The following MAN1A1 variants were observed in gnomAD, a reference collection of about 807,000 sequenced individuals.
MAN1A1 encodes mannosidase alpha class 1A member 1.
MAN1A1 carries 29 observed loss-of-function variants against 70.8 expected under a neutral mutation model. The observed-to-expected ratio is 0.41, with a 90% confidence interval of 0.31 to 0.56. The LOEUF (loss-of-function observed/expected upper bound fraction) is 0.56, where lower values mean the gene tolerates loss of function less well. Ranked by LOEUF, MAN1A1 falls within the 20% of genes least tolerant of loss-of-function variation. The pLI, the probability that MAN1A1 is intolerant of heterozygous loss-of-function variation, is 0.29. For missense variants in MAN1A1, 747 were observed against 841.3 expected (o/e 0.89, Z 1.39); for synonymous variants, 349 against 330.1 (o/e 1.06, Z -0.62).
chr6:119,350,364 GC>G (rs1773878747), upstream of MAN1A1, among the ~76,000 whole-genome samples: 1 of 152,222 alleles, frequency 6.6e-6, no homozygotes, highest in Non-Finnish European at 1.5e-5. Flanking sequence ...GACCCTGGGA[GC>G]TTTTGAGCTC....
At chr6:119,209,088 C>G (rs1350039252) in intron 6 of MAN1A1, among the ~76,000 whole-genome samples, 7 of 40,470 alleles carry the variant, frequency 1.7e-4, no homozygotes, top group Non-Finnish European at 5.7e-5. Flanking sequence ...AAGACCCCGT[C>G]TCAAAAAAAA....
intron 5 of MAN1A1, among the ~76,000 whole-genome samples, chr6:119,288,725 G>A (rs1776449861): frequency 1.3e-5 from 2 of 151,520 alleles, no homozygotes; most frequent in Admixed American, 1.3e-4. Flanking sequence ...AAAAGATACT[G>A]AAAATAATCT....
chr6:119,198,875 T>C (rs6923550), intron 8 of MAN1A1, among the ~76,000 whole-genome samples: 6,660 of 152,340 alleles, frequency 0.044, 197 homozygotes, highest in East Asian at 0.082. Context: ...TGTGGATATT[T>C]TTCTTTGATA....
rs969467803 is a variant in MAN1A1, at chr6:119,290,689, T to C, written c.891A>G (p.Gly297=). Residue 297 remains glycine (G), a synonymous_variant, in exon 5 of 13, where the codon GGA becomes GGG. Transcript: ENST00000368468. ...ATACCACTTTTCATCTTACCTCTTC[T>C]CCAGACAGATAGTAGGCTGAGAGTA... is the stretch of plus-strand genomic sequence containing the variant. The part of the protein sequence containing the change: ...GGLLSAYYLS[G]EEIFRKKAVE... 3.1e-6 allele frequency: 5 copies of C among 1,608,550 alleles called. No homozygotes were observed. In the African/African-American group the frequency reaches 6.7e-5, roughly 22 times the overall value.
At chr6:119,323,889 A>C (rs1178235131) in intron 2 of MAN1A1, among the ~76,000 whole-genome samples, 1 of 152,228 alleles carries the variant, frequency 6.6e-6, no homozygotes. Context: ...GAAGAGAGCA[A>C]ACACATAAGC....
chr6:119,225,660 C>T (rs1418720844), intron 6 of MAN1A1, among the ~76,000 whole-genome samples: 1 of 152,096 alleles, frequency 6.6e-6, no homozygotes, highest in Non-Finnish European at 1.5e-5. Flanking sequence ...TAACACATTA[C>T]ATACATGGAA....
intron 2 of MAN1A1, among the ~76,000 whole-genome samples, chr6:119,344,523 G>A (rs1773677874): frequency 1.3e-5 from 2 of 152,244 alleles, no homozygotes; most frequent in South Asian, 4.1e-4. Flanking sequence ...AGTAGGGAAT[G>A]TGTCACGGCA....
intron 6 of MAN1A1, among the ~76,000 whole-genome samples, chr6:119,239,661 T>C (rs1774950825): frequency 6.6e-6 from 1 of 152,224 alleles, no homozygotes; most frequent in Non-Finnish European, 1.5e-5. Context: ...TCATAAATTT[T>C]AAAATTAAAC....
chr6:119,348,226 A>G (rs2114518996), intron 2 of MAN1A1, among the ~76,000 whole-genome samples: 1 of 152,372 alleles, frequency 6.6e-6, no homozygotes, highest in Non-Finnish European at 1.5e-5. Context: ...TGTGGTCACC[A>G]GAGCAAGAGC....
At chr6:119,297,711 T>C (rs1036769788) in intron 4 of MAN1A1, among the ~76,000 whole-genome samples, 1 of 150,896 alleles carries the variant, frequency 6.6e-6, no homozygotes, top group African/African-American at 2.4e-5. Flanking sequence ...ACTTGGTATG[T>C]ATCACATATT....
At chr6:119,300,262 T>G (rs951925247) in intron 4 of MAN1A1, among the ~76,000 whole-genome samples, 1 of 140,606 alleles carries the variant, frequency 7.1e-6, no homozygotes, top group Admixed American at 7.3e-5. Flanking sequence ...TTTGTTTTTG[T>G]TTTTTTTTTT....
chr6:119,281,901 C>CTCTACTCCCATCTCTACT (rs1554211537), intron 5 of MAN1A1, among the ~76,000 whole-genome samples: 1 of 147,972 alleles, frequency 6.8e-6, no homozygotes, highest in African/African-American at 2.5e-5. Context: ...ACTAAAAATA[C>CTCTACTCCCATCTCTACT]AAAAAAAAAA....
intron 1 of MAN1A1, 79 bp from the exon 2 acceptor site, chr6:119,349,366 G>A: frequency 9.5e-7 from 1 of 1,049,416 alleles, no homozygotes; most frequent in Non-Finnish European, 1.2e-6. Context: ...TCCGACTCCT[G>A]GCGAGCCTCC....
At chr6:119,224,895 G>A (rs1196882856) in intron 6 of MAN1A1, among the ~76,000 whole-genome samples, 2 of 152,152 alleles carry the variant, frequency 1.3e-5, no homozygotes, top group African/African-American at 4.8e-5. Context: ...CTGGGAGGCC[G>A]AGGTGGACAG....
intron 6 of MAN1A1, among the ~76,000 whole-genome samples, chr6:119,229,196 T>C (rs1350637638): frequency 7.4e-6 from 1 of 135,066 alleles, no homozygotes; most frequent in African/African-American, 2.8e-5. Flanking sequence ...TCAGTGACTA[T>C]CAAACTGTGT....
chr6:119,223,160 T>G (rs1363548787), intron 6 of MAN1A1, among the ~76,000 whole-genome samples: 1 of 152,164 alleles, frequency 6.6e-6, no homozygotes, highest in Non-Finnish European at 1.5e-5. Context: ...TAGTGGAATT[T>G]AAAAATTTTC....
chr6:119,259,290 A>G (rs1775543393), intron 5 of MAN1A1, among the ~76,000 whole-genome samples: 1 of 152,196 alleles, frequency 6.6e-6, no homozygotes, highest in Non-Finnish European at 1.5e-5. Context: ...CTTACGGTGA[A>G]GGGCACAAGC....
chr6:119,250,767 C>T (rs1200534359), intron 5 of MAN1A1, among the ~76,000 whole-genome samples: 1 of 152,116 alleles, frequency 6.6e-6, no homozygotes, highest in African/African-American at 2.4e-5. Context: ...TCAGTTCTCA[C>T]CACCTATTTG....
rs147114685 is a variant in MAN1A1, at chr6:119,254,691, C to T, written c.898-6337G>A. Reference sequence around the variant, plus strand: ...GAAAATATGGTTTTTGTACAACTAGCAATCAGTTTGGGATGGGCAGACATC... The same window carrying T: ...GAAAATATGGTTTTTGTACAACTAGTAATCAGTTTGGGATGGGCAGACATC... On this transcript the variant is annotated intron_variant, in intron 5 of 12. Coordinates refer to ENST00000368468, the MANE Select transcript of MAN1A1 (RefSeq NM_005907.4). Among the ~76,000 whole-genome samples the T allele has an allele frequency of 2.9e-3, 444 of 152,196 alleles. 2 individuals carry two copies. Among genetic ancestry groups the T allele is most frequent in the South Asian group, 0.018 (86 of 4,826 alleles).
Sources: allele counts gnomAD v4.1 joint callset (sites outside exome capture counted in the v4.1 genomes callset), GRCh38; gene constraint gnomAD v4.1.1; transcripts MANE v1.5; gene names NCBI Gene and HGNC (gene_info 2026-07-23, HGNC 2026-07-21).